SCARA3: variants seen among roughly 807,000 people sequenced by gnomAD.
SCARA3 encodes the protein scavenger receptor class A member 3, also known as cellular stress response gene protein.
In SCARA3, 39 loss-of-function variants were observed where a neutral mutation model predicts 47.0. The observed-to-expected ratio is 0.83, with a 90% CI of 0.64 to 1.08. SCARA3 has a LOEUF of 1.08. Among genes scored for constraint, SCARA3 ranks in the 50% least tolerant of loss-of-function variants. SCARA3 has a pLI of 0.00. For missense variants in SCARA3, 724 were observed against 792.3 expected (o/e 0.91, Z 1.04); for synonymous variants, 356 against 334.1 (o/e 1.07, Z -0.71).
intron 4 of SCARA3, among the ~76,000 whole-genome samples, chr8:27,657,267 T>A (rs981581263): frequency 2.6e-5 from 4 of 152,056 alleles, no homozygotes; most frequent in African/African-American, 9.7e-5. Context: ...ACGATTCTTT[T>A]CTTTTTTCTT....
intron 3 of SCARA3, 138 bp downstream of exon 3, chr8:27,651,765 T>A (rs1427729542): frequency 8.3e-7 from 1 of 1,205,066 alleles, no homozygotes; most frequent in African/African-American, 1.5e-5. Context: ...GGCTAGGGGA[T>A]CTCTATGCCT....
chr8:27,648,678 G>A (rs1047015905), intron 1 of SCARA3, among the ~76,000 whole-genome samples: 6 of 152,034 alleles, frequency 3.9e-5, no homozygotes, highest in African/African-American at 1.5e-4. Flanking sequence ...ATATTCTCGG[G>A]CTATAAAATG....
At chr8:27,634,891 C>T (rs191519004) in intron 1 of SCARA3, among the ~76,000 whole-genome samples, 12 of 152,176 alleles carry the variant, frequency 7.9e-5, no homozygotes, top group Non-Finnish European at 1.6e-4. Flanking sequence ...ATTTCCAGGG[C>T]CTGGGTGTCT....
At chr8:27,660,209 G>T (rs1462066071) in intron 5 of SCARA3, among the ~76,000 whole-genome samples, 1 of 89,260 alleles carries the variant, frequency 1.1e-5, no homozygotes, top group Admixed American at 1.3e-4. Flanking sequence ...TAGTGTATGA[G>T]AGAGAGAGAG....
chr8:27,653,929 C>T (rs770795024), intron 3 of SCARA3, among the ~76,000 whole-genome samples: 16 of 152,060 alleles, frequency 1.1e-4, no homozygotes, highest in African/African-American at 3.9e-4. Flanking sequence ...CAACCAAACT[C>T]GTCACAGAGC....
the SCARA3 span, chr8:27,697,129 C>T: frequency 5.7e-6 from 1 of 174,250 alleles, no homozygotes; most frequent in African/African-American, 2.3e-5. Context: ...ATAGTAGACA[C>T]TCAGTGTCTG....
At chr8:27,684,658 C>T in the SCARA3 span, among the ~76,000 whole-genome samples, 1 of 118,524 alleles carries the variant, frequency 8.4e-6, no homozygotes, top group African/African-American at 3.0e-5. Flanking sequence ...CAGAGCAAGG[C>T]TGTGTCAAAA....
chr8:27,694,017 C>T, the SCARA3 span, among the ~76,000 whole-genome samples: 4 of 152,274 alleles, frequency 2.6e-5, no homozygotes, highest in Admixed American at 6.5e-5. Flanking sequence ...ATCAGGACCT[C>T]CTGAGGCTAT....
chr8:27,710,271 G>C, the SCARA3 span, among the ~76,000 whole-genome samples: 2 of 149,532 alleles, frequency 1.3e-5, no homozygotes, highest in South Asian at 2.1e-4. Flanking sequence ...TCTTATGCTT[G>C]AATAATTCCC....
In SCARA3 at chr8:27,656,914, A is replaced by G. The variant is rs113828244; in HGVS notation, c.325+34A>G. 5.7e-6 allele frequency: 8 copies of G among 1,397,026 alleles called. No homozygotes were observed. The African/African-American group carries it at 8.5e-5, about 15-fold the overall frequency. The allele number at this position is 1,397,026 out of a possible 1,614,324, so 86.5% of individuals were successfully genotyped here. A position where few individuals can be genotyped will look rare whatever the true frequency, so the allele number is the denominator to read the frequency against. Reference sequence around the variant, plus strand: ...ATGGGCTGATGACTGTGATGCAGTGATCTTCAGGGTGGGGCAGGGGTGCCC... The same window carrying G: ...ATGGGCTGATGACTGTGATGCAGTGGTCTTCAGGGTGGGGCAGGGGTGCCC... On this transcript the variant is annotated intron_variant, in intron 4 of 5. Transcript: ENST00000301904.
chr8:27,634,254 C>T, intron 1 of SCARA3, 47 bp downstream of exon 1: 1 of 1,314,372 alleles, frequency 7.6e-7, no homozygotes, highest in South Asian at 2.5e-5. Context: ...CCGCCTGCAC[C>T]CCCGCTCCAC....
At chr8:27,633,638 C>T (rs546882432), upstream of SCARA3, among the ~76,000 whole-genome samples, 1 of 152,212 alleles carries the variant, frequency 6.6e-6, no homozygotes, top group Admixed American at 6.5e-5. Context: ...GCAGGGAGGA[C>T]GCCGCGGGAG....
chr8:27,636,917 C>G (rs1801265540), intron 1 of SCARA3, among the ~76,000 whole-genome samples: 2 of 152,212 alleles, frequency 1.3e-5, no homozygotes, highest in Admixed American at 1.3e-4. Flanking sequence ...ATTTTTCTCA[C>G]TCGAGTGGAA....
At chr8:27,677,202 C>G (rs1047052443), downstream of SCARA3, among the ~76,000 whole-genome samples, 1 of 152,224 alleles carries the variant, frequency 6.6e-6, no homozygotes, top group Non-Finnish European at 1.5e-5. Context: ...CTTCCAGATT[C>G]ACCTTAGCTT....
intron 1 of SCARA3, among the ~76,000 whole-genome samples, chr8:27,647,297 TTCTC>T (rs1159104353): frequency 6.6e-6 from 1 of 152,202 alleles, no homozygotes; most frequent in Non-Finnish European, 1.5e-5. Flanking sequence ...GGAGAAAATG[TTCTC>T]TCTCTGTCTC....
At chr8:27,692,821 T>C in the SCARA3 span, among the ~76,000 whole-genome samples, 1 of 152,096 alleles carries the variant, frequency 6.6e-6, no homozygotes, top group Non-Finnish European at 1.5e-5. Context: ...CTTAACTCTT[T>C]CAATCAGAAA....
chr8:27,647,516 T>A (rs920779714), intron 1 of SCARA3, among the ~76,000 whole-genome samples: 4 of 152,208 alleles, frequency 2.6e-5, no homozygotes, highest in Non-Finnish European at 5.9e-5. Context: ...AAATTGTGTT[T>A]GTTGAGCCTT....
chr8:27,727,121 A>C, the SCARA3 span, among the ~76,000 whole-genome samples: 1 of 152,158 alleles, frequency 6.6e-6, no homozygotes, highest in Non-Finnish European at 1.5e-5. Flanking sequence ...TATGTTGCCC[A>C]GGCTGGTCTC....
intron 1 of SCARA3, among the ~76,000 whole-genome samples, chr8:27,638,444 C>G (rs1801306475): frequency 6.6e-6 from 1 of 151,996 alleles, no homozygotes; most frequent in Non-Finnish European, 1.5e-5. Flanking sequence ...GTCCCCTCAT[C>G]CAGGTGGACC....
Sources: gnomAD v4.1 joint callset for allele counts (sites outside exome capture counted in the v4.1 genomes callset) on GRCh38, gnomAD v4.1.1 for gene constraint, MANE v1.5 for transcripts, NCBI Gene and HGNC (gene_info 2026-07-23, HGNC 2026-07-21) for gene names.